The following DLG2 variants were observed in gnomAD, a reference collection of about 807,000 sequenced individuals.
The protein encoded by DLG2 is discs large MAGUK scaffold protein 2, also known as disks large homolog 2.
In DLG2, 45 loss-of-function variants were observed where a neutral mutation model predicts 132.5. The observed-to-expected ratio is 0.34, with a 90% confidence interval of 0.27 to 0.44. The LOEUF (loss-of-function observed/expected upper bound fraction) is 0.44, where lower values mean the gene tolerates loss of function less well. DLG2 is among the 20% of genes least tolerant of loss of function. The probability of loss-of-function intolerance (pLI) is 1.00; values close to 1 mark genes in which losing one functional copy is unlikely to be tolerated. For missense variants in DLG2, 1,045 were observed against 1,196.9 expected (o/e 0.87, Z 1.87); for synonymous variants, 424 against 419.6 (o/e 1.01, Z -0.13).
At chr11:84,526,146 A>C (rs2099319888) in intron 7 of DLG2, among the ~76,000 whole-genome samples, 1 of 152,188 alleles carries the variant, frequency 6.6e-6, no homozygotes, top group South Asian at 2.1e-4. Flanking sequence ...TATGTCTGGG[A>C]AATACTTTGT....
At chr11:85,248,605 G>A (rs2076249123) in intron 4 of DLG2, among the ~76,000 whole-genome samples, 1 of 151,864 alleles carries the variant, frequency 6.6e-6, no homozygotes, top group Admixed American at 6.6e-5. Context: ...GTGCCAGTAG[G>A]GATGAGAAGA....
chr11:85,125,334 T>C (rs1332458451), intron 5 of DLG2, among the ~76,000 whole-genome samples: 2 of 152,202 alleles, frequency 1.3e-5, no homozygotes, highest in Non-Finnish European at 2.9e-5. Flanking sequence ...AGTAACATCC[T>C]GTAATCATGT....
At chr11:85,175,075 C>A (rs1330063144) in intron 4 of DLG2, among the ~76,000 whole-genome samples, 1 of 152,088 alleles carries the variant, frequency 6.6e-6, no homozygotes, top group Admixed American at 6.6e-5. Flanking sequence ...TGAAACTATT[C>A]CAAACAAATG....
At chr11:84,408,868 T>G (rs1411977027) in intron 7 of DLG2, among the ~76,000 whole-genome samples, 1 of 152,182 alleles carries the variant, frequency 6.6e-6, no homozygotes, top group Non-Finnish European at 1.5e-5. Flanking sequence ...GCCGCCTCTT[T>G]CTCTGTAGAT....
At chr11:84,298,027 T>A (rs539195568) in intron 7 of DLG2, among the ~76,000 whole-genome samples, 4 of 152,158 alleles carry the variant, frequency 2.6e-5, no homozygotes, top group East Asian at 1.9e-4. Context: ...CTCCAACCTA[T>A]CCTCCATATC....
At chr11:85,150,378 A>G (rs1374687808) in intron 5 of DLG2, among the ~76,000 whole-genome samples, 1 of 152,116 alleles carries the variant, frequency 6.6e-6, no homozygotes, top group Non-Finnish European at 1.5e-5. Context: ...AATTTATAAT[A>G]CTGACCACTC....
At chr11:85,043,725 T>TTG in intron 6 of DLG2, among the ~76,000 whole-genome samples, 1 of 151,910 alleles carries the variant, frequency 6.6e-6, no homozygotes, top group African/African-American at 2.4e-5. Flanking sequence ...TTAAAATAAC[T>TTG]TTTAAAATCT....
intron 6 of DLG2, among the ~76,000 whole-genome samples, chr11:84,898,436 A>C (rs2090473581): frequency 1.3e-5 from 2 of 151,982 alleles, no homozygotes; most frequent in Non-Finnish European, 2.9e-5. Flanking sequence ...TTGAAAGAGT[A>C]CTCAAAGCCT....
chr11:83,691,282 C>T (rs2080946958), intron 18 of DLG2, among the ~76,000 whole-genome samples: 1 of 152,176 alleles, frequency 6.6e-6, no homozygotes, highest in Admixed American at 6.6e-5. Context: ...TGTAACTTAA[C>T]TAGCCACACG....
intron 4 of DLG2, among the ~76,000 whole-genome samples, chr11:85,194,812 C>A (rs183640886): frequency 5.3e-5 from 8 of 152,242 alleles, no homozygotes; most frequent in African/African-American, 1.9e-4. Flanking sequence ...TTTATTAATT[C>A]AGTTTATTTC....
intron 3 of DLG2, among the ~76,000 whole-genome samples, chr11:85,499,608 A>G (rs1281028063): frequency 3.3e-5 from 5 of 152,196 alleles, no homozygotes; most frequent in Admixed American, 2.0e-4. Flanking sequence ...GGCCAGCATC[A>G]TCCTGATACC....
At chr11:84,350,633 C>T (rs17147244) in intron 7 of DLG2, among the ~76,000 whole-genome samples, 3,078 of 152,290 alleles carry the variant, frequency 0.02, 94 homozygotes, top group South Asian at 0.13. Context: ...TATAGTTATA[C>T]AGTTAGCATA....
In DLG2 at chr11:85,077,114, C is replaced by T. The variant is rs1021936805; in HGVS notation, c.357+34547G>A. Among the ~76,000 whole-genome samples, 20 of 151,948 alleles carry T rather than the reference C, an allele frequency of 1.3e-4. 1 individual carries two copies. The highest frequency in any genetic ancestry group is 1.0e-3 in the Admixed American group (16 of 15,240). On this transcript the variant is annotated intron_variant, in intron 6 of 27. Coordinates refer to ENST00000376104, the MANE Select transcript of DLG2 (RefSeq NM_001142699.3). ...AACCACAGACTAGGACAATGCTTGG[C>T]ACAGGCTCAGCAGTTCAAAGATTTT...
intron 7 of DLG2, chr11:84,316,678 T>A: frequency 4.5e-6 from 4 of 881,456 alleles, no homozygotes; most frequent in Non-Finnish European, 6.7e-6. Context: ...CAAACATGTG[T>A]GAAAATGACA....
chr11:83,528,676 G>T (rs572187587), intron 21 of DLG2, among the ~76,000 whole-genome samples: 1 of 152,136 alleles, frequency 6.6e-6, no homozygotes, highest in Non-Finnish European at 1.5e-5. Flanking sequence ...ATCTCAACCT[G>T]ATGCTTGCAC....
At position 84,715,382 on chromosome 11, in the gene DLG2, GTGTA is replaced by G. The variant is rs199922006; in HGVS notation, c.358-180655_358-180652del. On this transcript the variant is annotated intron_variant, in intron 6 of 27. Coordinates refer to ENST00000376104, the MANE Select transcript of DLG2 (RefSeq NM_001142699.3). ...ACACTCTGTGTGTGTGTATGTGTGT[GTGTA>G]TGTAAGAATACCTAAAATCTACTCT... Among the ~76,000 whole-genome samples the G allele has an allele frequency of 5.8e-3, 885 of 152,234 alleles. 4 individuals carry two copies. The highest frequency in any genetic ancestry group is 0.01 in the Non-Finnish European group (681 of 67,982).
At chr11:85,415,489 A>C (rs548614067) in intron 3 of DLG2, among the ~76,000 whole-genome samples, 5 of 152,072 alleles carry the variant, frequency 3.3e-5, no homozygotes, top group Non-Finnish European at 7.4e-5. Context: ...GTGTAAAAGC[A>C]TTCCTATTTC....
chr11:83,906,869 C>G (rs2075090330), intron 15 of DLG2, among the ~76,000 whole-genome samples: 1 of 152,164 alleles, frequency 6.6e-6, no homozygotes, highest in Non-Finnish European at 1.5e-5. Context: ...TCAGGGCTTA[C>G]TCCTTCTGCA....
intron 3 of DLG2, among the ~76,000 whole-genome samples, chr11:85,406,178 A>T (rs899443579): frequency 6.6e-6 from 1 of 151,892 alleles, no homozygotes; most frequent in African/African-American, 2.4e-5. Context: ...TTTATTCAGG[A>T]GACCATTAGA....
Sources: gnomAD v4.1 joint callset for allele counts (sites outside exome capture counted in the v4.1 genomes callset) on GRCh38, gnomAD v4.1.1 for gene constraint, MANE v1.5 for transcripts, NCBI Gene and HGNC (gene_info 2026-07-23, HGNC 2026-07-21) for gene names.